The following PTPRN2 variants were observed in gnomAD, a reference collection of about 807,000 sequenced individuals.
The protein encoded by PTPRN2 is protein tyrosine phosphatase receptor type N2, also known as receptor-type tyrosine-protein phosphatase N2.
A neutral mutation model predicts 118.8 loss-of-function variants in PTPRN2; 74 were observed. The ratio of observed to expected loss-of-function variants is 0.62; its 90% CI spans 0.52 to 0.76. The LOEUF (loss-of-function observed/expected upper bound fraction) is 0.76. PTPRN2 is among the 30% of genes least tolerant of loss of function. PTPRN2 has a pLI of 0.00. For missense variants in PTPRN2, 1,481 were observed against 1,394.4 expected (o/e 1.06, Z -0.99); for synonymous variants, 641 against 608.0 (o/e 1.05, Z -0.80).
At chr7:158,327,018 T>C (rs1382254534) in intron 2 of PTPRN2, among the ~76,000 whole-genome samples, 1 of 146,624 alleles carries the variant, frequency 6.8e-6, no homozygotes, top group African/African-American at 2.5e-5. Context: ...CATTCTCACA[T>C]ATATACACAT....
chr7:158,485,434 G>A (rs1450066499), intron 2 of PTPRN2, among the ~76,000 whole-genome samples: 1 of 74,638 alleles, frequency 1.3e-5, no homozygotes, highest in African/African-American at 5.7e-5. Flanking sequence ...ACCCCTCTGC[G>A]CCTCTCCTGC....
chr7:158,379,911 A>C (rs2151340990), intron 2 of PTPRN2, among the ~76,000 whole-genome samples: 1 of 152,296 alleles, frequency 6.6e-6, no homozygotes, highest in South Asian at 2.1e-4. Flanking sequence ...GTCACATCTC[A>C]CATGGATGAC....
chr7:157,644,458 C>A (rs1201274600), intron 14 of PTPRN2, among the ~76,000 whole-genome samples: 1 of 152,202 alleles, frequency 6.6e-6, no homozygotes, highest in East Asian at 1.9e-4. Flanking sequence ...CCTCACATAG[C>A]CAGCATACGC....
intron 11 of PTPRN2, among the ~76,000 whole-genome samples, chr7:157,937,588 C>T (rs1050685532): frequency 2.6e-5 from 4 of 152,326 alleles, no homozygotes; most frequent in African/African-American, 4.8e-5. Context: ...ACCTTTCCCA[C>T]CCAGGAGAAG....
intron 11 of PTPRN2, among the ~76,000 whole-genome samples, chr7:157,991,443 GC>G (rs1585155293): frequency 6.6e-6 from 1 of 152,332 alleles, no homozygotes; most frequent in East Asian, 1.9e-4. Context: ...TGGAGTCCTG[GC>G]CCCACCCAGC....
intron 12 of PTPRN2, among the ~76,000 whole-genome samples, chr7:157,834,682 G>T (rs79417537): frequency 6.6e-6 from 1 of 152,088 alleles, no homozygotes; most frequent in Admixed American, 6.5e-5. Flanking sequence ...CAGAGTGCAC[G>T]CTCGCAGAGG....
Position 157,676,778 on chromosome 7 carries a change from G to A in PTPRN2, c.2001+5947C>T, listed in dbSNP as rs6979303. ...CCCTTTCCACAGGGTCCCTTTCCAC[G>A]GGGTGGGTGACTGATGAGGACAGGG... On this transcript the variant is annotated intron_variant, in intron 13 of 22. Coordinates refer to ENST00000389418, the MANE Select transcript of PTPRN2 (RefSeq NM_002847.5). This position sits in a 1 kb window ranked among gnomAD's most constrained non-coding sequence, Gnocchi z 5.6. 2.8e-4 allele frequency among the ~76,000 whole-genome samples: 43 copies of A among 152,324 alleles called. No individual in the cohort carries two copies. The highest frequency in any genetic ancestry group is 3.4e-3 in the Middle Eastern group (1 of 294).
chr7:158,487,455 T>C (rs906920964), intron 2 of PTPRN2, among the ~76,000 whole-genome samples: 4 of 152,252 alleles, frequency 2.6e-5, no homozygotes, highest in African/African-American at 9.6e-5. Context: ...GGTTTTTTAA[T>C]ACTAGCCATC....
At chr7:158,171,314 T>TATACATAC (rs1823657007) in intron 5 of PTPRN2, among the ~76,000 whole-genome samples, 1 of 98,316 alleles carries the variant, frequency 1.0e-5, no homozygotes, top group African/African-American at 4.6e-5. Context: ...CACACATATA[T>TATACATAC]ATATATATAT....
chr7:158,424,922 G>A (rs1409535411), intron 2 of PTPRN2, among the ~76,000 whole-genome samples: 3 of 152,146 alleles, frequency 2.0e-5, no homozygotes, highest in African/African-American at 4.8e-5. Context: ...GGGCCCACAG[G>A]CATTAACCAT....
At chr7:157,788,905 G>A (rs1345720713) in intron 12 of PTPRN2, among the ~76,000 whole-genome samples, 1 of 152,210 alleles carries the variant, frequency 6.6e-6, no homozygotes, top group Non-Finnish European at 1.5e-5. Flanking sequence ...CTCCAATGCT[G>A]GGGATAGCTC....
At chr7:158,545,278 A>T (rs1199702060) in intron 1 of PTPRN2, among the ~76,000 whole-genome samples, 2 of 152,200 alleles carry the variant, frequency 1.3e-5, no homozygotes, top group Non-Finnish European at 2.9e-5. Context: ...GTCTCTCACC[A>T]CTAAGCTGTA....
chr7:158,587,241 G>A (rs1829005835), intron 1 of PTPRN2, among the ~76,000 whole-genome samples: 1 of 111,308 alleles, frequency 9.0e-6, no homozygotes, highest in African/African-American at 3.7e-5. Flanking sequence ...TCATTGAGGC[G>A]CCCCTCCCCC....
intron 2 of PTPRN2, among the ~76,000 whole-genome samples, chr7:158,452,004 A>G (rs926549239): frequency 2.6e-5 from 4 of 152,182 alleles, no homozygotes; most frequent in South Asian, 2.1e-4. Context: ...GTTGTCCCCA[A>G]ATCATTACTG....
At chr7:157,723,615 A>T (rs544464172) in intron 12 of PTPRN2, among the ~76,000 whole-genome samples, 1 of 152,140 alleles carries the variant, frequency 6.6e-6, no homozygotes, top group Non-Finnish European at 1.5e-5. Flanking sequence ...GTCCCCGGAG[A>T]CGCTGTCATC....
chr7:158,342,903 G>C (rs1234498332), intron 2 of PTPRN2, among the ~76,000 whole-genome samples: 1 of 152,014 alleles, frequency 6.6e-6, no homozygotes, highest in African/African-American at 2.4e-5. Flanking sequence ...AAGTCCTTAG[G>C]GGCTTCAAAA....
intron 6 of PTPRN2, among the ~76,000 whole-genome samples, chr7:158,147,355 C>G (rs1205356609): frequency 2.7e-5 from 2 of 74,578 alleles, no homozygotes; most frequent in Admixed American, 2.5e-4. Flanking sequence ...TCTCACGCCA[C>G]GTATCTTTCC....
Position 157,598,619 on chromosome 7 carries a change from C to T in PTPRN2, c.2419-3304G>A, listed in dbSNP as rs1288160785. On this transcript the variant is annotated intron_variant, in intron 16 of 22. Coordinates refer to ENST00000389418, the MANE Select transcript of PTPRN2 (RefSeq NM_002847.5). This position sits in a 1 kb window ranked among gnomAD's most constrained non-coding sequence, Gnocchi z 5.2. ...ATTCCAGTGCACGTGCATGTGCAGA[C>T]TCGTCTGTGTGTATGTGTGTGTCCT... Among the ~76,000 whole-genome samples, 1 of 152,200 alleles carries T rather than the reference C, an allele frequency of 6.6e-6. No individual in the cohort carries two copies. Among genetic ancestry groups the T allele is most frequent in the African/African-American group, 2.4e-5 (1 of 41,440 alleles).
intron 3 of PTPRN2, among the ~76,000 whole-genome samples, chr7:158,240,373 G>T (rs1030185408): frequency 6.6e-6 from 1 of 152,192 alleles, no homozygotes; most frequent in African/African-American, 2.4e-5. Context: ...TCCAGACCTC[G>T]AATACGACCA....
Sources: allele counts gnomAD v4.1 joint callset (sites outside exome capture counted in the v4.1 genomes callset), GRCh38; gene constraint gnomAD v4.1.1; non-coding constraint Gnocchi (gnomAD v3.1); transcripts MANE v1.5; gene names NCBI Gene and HGNC (gene_info 2026-07-23, HGNC 2026-07-21).